Variants in SPAG17 observed in about 807,000 individuals in gnomAD.
The protein encoded by SPAG17 is sperm-associated antigen 17.
In SPAG17, 169 loss-of-function variants were observed where a neutral mutation model predicts 273.6. The observed-to-expected ratio is 0.62, with a 90% CI of 0.55 to 0.70. SPAG17 has a LOEUF of 0.70. SPAG17 is among the 30% of genes least tolerant of loss of function. The pLI, the probability that SPAG17 is intolerant of heterozygous loss-of-function variation, is 0.00. For synonymous variants in SPAG17, 825 were observed against 873.2 expected (o/e 0.94, Z 0.97); for missense variants, 2,557 against 2,627.8 (o/e 0.97, Z 0.59).
At chr1:118,024,286 C>T (rs1453532534) in intron 27 of SPAG17, among the ~76,000 whole-genome samples, 1 of 151,832 alleles carries the variant, frequency 6.6e-6, no homozygotes, top group Non-Finnish European at 1.5e-5. Flanking sequence ...CTCAGCTTTT[C>T]TCACCCTCAA....
At chr1:118,146,162 A>G (rs2102334319) in intron 3 of SPAG17, among the ~76,000 whole-genome samples, 1 of 152,328 alleles carries the variant, frequency 6.6e-6, no homozygotes, top group African/African-American at 2.4e-5. Flanking sequence ...GTCAAACCTA[A>G]AATTTGCACA....
chr1:117,985,835 A>T (rs1656339980), intron 40 of SPAG17, among the ~76,000 whole-genome samples: 1 of 152,222 alleles, frequency 6.6e-6, no homozygotes, highest in Non-Finnish European at 1.5e-5. Context: ...GAGGTTAAGT[A>T]ACCTATTCCA....
At chr1:118,065,123 A>G (rs1245635851) in intron 18 of SPAG17, among the ~76,000 whole-genome samples, 1 of 152,178 alleles carries the variant, frequency 6.6e-6, no homozygotes, top group African/African-American at 2.4e-5. Flanking sequence ...AAAAATGTTA[A>G]GAACGAAAAA....
intron 18 of SPAG17, among the ~76,000 whole-genome samples, chr1:118,056,799 T>G (rs1013465666): frequency 6.6e-6 from 1 of 152,144 alleles, no homozygotes; most frequent in Non-Finnish European, 1.5e-5. Context: ...ACCCAACATC[T>G]TCATTTAGAA....
intron 15 of SPAG17, among the ~76,000 whole-genome samples, chr1:118,075,452 A>G (rs978782140): frequency 6.6e-6 from 1 of 152,276 alleles, no homozygotes; most frequent in African/African-American, 2.4e-5. Context: ...TAAGTTTAAC[A>G]TAGATCAACG....
intron 1 of SPAG17, among the ~76,000 whole-genome samples, chr1:118,154,111 G>A (rs928759890): frequency 3.3e-5 from 5 of 152,110 alleles, no homozygotes; most frequent in East Asian, 1.9e-4. Context: ...CTGCCCAGGC[G>A]AGAGCACGTT....
chr1:118,165,123 C>T (rs539549348), intron 1 of SPAG17, among the ~76,000 whole-genome samples: 315 of 152,314 alleles, frequency 2.1e-3, no homozygotes, highest in African/African-American at 7.3e-3. Flanking sequence ...AATACTTGCA[C>T]TGTGATCACG....
At chr1:118,012,112 A>G in intron 30 of SPAG17, 116 bp downstream of exon 30, 1 of 1,019,864 alleles carries the variant, frequency 9.8e-7, no homozygotes, top group Non-Finnish European at 1.4e-6. Context: ...TTAGTTGGCT[A>G]ACTTTACCAA....
intron 1 of SPAG17, among the ~76,000 whole-genome samples, chr1:118,157,162 C>T (rs1352902366): frequency 6.6e-6 from 1 of 152,144 alleles, no homozygotes; most frequent in Non-Finnish European, 1.5e-5. Context: ...GGTTACTAAA[C>T]ATTTACCAGC....
intron 1 of SPAG17, among the ~76,000 whole-genome samples, chr1:118,155,544 C>A (rs372842874): frequency 2.2e-4 from 34 of 152,104 alleles, no homozygotes; most frequent in Non-Finnish European, 4.4e-4. Flanking sequence ...TATGATAGGG[C>A]GCCTGTGTCC....
chr1:118,175,670 A>G (rs966881791), intron 1 of SPAG17, among the ~76,000 whole-genome samples: 3 of 152,098 alleles, frequency 2.0e-5, no homozygotes, highest in African/African-American at 7.2e-5. Context: ...CCCAATAAAC[A>G]AAAGCTAAGA....
chr1:118,160,173 T>C (rs576724098), intron 1 of SPAG17, among the ~76,000 whole-genome samples: 1 of 152,302 alleles, frequency 6.6e-6, no homozygotes, highest in South Asian at 2.1e-4. Context: ...TTCATCATCA[T>C]ATATTAAAAG....
chr1:118,012,420 C>G (rs1488034716), intron 29 of SPAG17, 48 bp from the exon 30 acceptor site: 1 of 1,576,602 alleles, frequency 6.3e-7, no homozygotes, highest in East Asian at 2.3e-5. Flanking sequence ...ATGGTTCATC[C>G]CAAGTGTACT....
At chr1:117,956,694 A>C (rs1652248890) in intron 48 of SPAG17, among the ~76,000 whole-genome samples, 1 of 152,198 alleles carries the variant, frequency 6.6e-6, no homozygotes, top group African/African-American at 2.4e-5. Context: ...ATAGTGTAGC[A>C]TTGGTGTCAG....
At chr1:118,170,687 A>G (rs957184718) in intron 1 of SPAG17, among the ~76,000 whole-genome samples, 1 of 152,200 alleles carries the variant, frequency 6.6e-6, no homozygotes, top group Non-Finnish European at 1.5e-5. Flanking sequence ...AGAGCGGGTA[A>G]GAAAGATGCT....
chr1:118,108,372 A>T (rs1656539077), intron 4 of SPAG17, among the ~76,000 whole-genome samples: 1 of 152,036 alleles, frequency 6.6e-6, no homozygotes, highest in South Asian at 2.1e-4. Flanking sequence ...TTCTGAGTAA[A>T]CCCTTCTCAC....
chr1:118,081,508 T>C lies in SPAG17; in HGVS notation c.1897A>G (p.Asn633Asp), dbSNP rs774369495. The change falls in exon 14 of 49, where the codon AAC becomes GAC. Residue 633 changes from asparagine to aspartate, a missense_variant. Physicochemically the swap from Asn to Asp is conservative, Grantham distance 23 (BLOSUM62 1). Coordinates refer to ENST00000336338, the MANE Select transcript of SPAG17 (RefSeq NM_206996.4). ...CTGGCAGGGTTGTCCCACGGTATGT[T>C]GAACATTTCAGAATCTGACCCACAC... Reference protein sequence around the residue: ...MMCGSDSEMFNIPWDNPARFA... With the variant: ...MMCGSDSEMFDIPWDNPARFA... 2 of 1,613,954 alleles carry C rather than the reference T, an allele frequency of 1.2e-6. No individual in the cohort carries two copies. The highest frequency in any genetic ancestry group is 1.1e-5 in the South Asian group (1 of 91,082).
intron 30 of SPAG17, among the ~76,000 whole-genome samples, chr1:118,009,558 C>T (rs1201581204): frequency 6.6e-6 from 1 of 152,140 alleles, no homozygotes; most frequent in African/African-American, 2.4e-5. Context: ...GAAAGACATG[C>T]TGAGACTGAA....
chr1:118,075,263 T>A (rs948576903), intron 15 of SPAG17, among the ~76,000 whole-genome samples: 4 of 152,236 alleles, frequency 2.6e-5, no homozygotes, highest in African/African-American at 9.6e-5. Flanking sequence ...ATGCACACTA[T>A]GGACCAATAT....
Sources: gnomAD v4.1 joint callset for allele counts (sites outside exome capture counted in the v4.1 genomes callset) on GRCh38, gnomAD v4.1.1 for gene constraint, MANE v1.5 for transcripts, NCBI Gene and HGNC (gene_info 2026-07-23, HGNC 2026-07-21) for gene names.